The following EXOC6 variants were observed in gnomAD, a reference collection of about 807,000 sequenced individuals.
EXOC6 encodes the protein exocyst complex component 6.
EXOC6 carries 60 observed loss-of-function variants against 112.5 expected under a neutral mutation model. The observed-to-expected ratio is 0.53, with a 90% CI of 0.43 to 0.66. The LOEUF is 0.66. Among genes scored for constraint, EXOC6 ranks in the 30% least tolerant of loss-of-function variants. The probability of loss-of-function intolerance (pLI) is 0.00; values close to 1 mark genes in which losing one functional copy is unlikely to be tolerated. For synonymous variants in EXOC6, 295 were observed against 308.0 expected, an observed-to-expected ratio of 0.96 and a Z score of 0.44; for missense variants, 855 against 957.1, an observed-to-expected ratio of 0.89 and a Z score of 1.41.
chr10:92,879,101 A>C (rs1300282982), intron 1 of EXOC6, among the ~76,000 whole-genome samples: 1 of 152,212 alleles, frequency 6.6e-6, no homozygotes, highest in Non-Finnish European at 1.5e-5. Context: ...CAGGACTGCC[A>C]AAAATTATCT....
rs761522416 is a variant in EXOC6 at position 93,058,284 on chromosome 10, A to C, written c.2344A>C (p.Lys782Gln). 1 of 1,612,058 alleles carries C rather than the reference A, an allele frequency of 6.2e-7. No homozygotes were observed. Among genetic ancestry groups the C allele is most frequent in the Non-Finnish European group, 8.5e-7 (1 of 1,179,600 alleles). The change falls in exon 22 of 22, where the codon AAA becomes CAA. Residue 782 changes from lysine to glutamine, a missense_variant. Around this residue, in one of 2 missense-constraint regions of EXOC6, gnomAD observed 450 missense variants for 563.5 expected, o/e 0.80. Coordinates refer to ENST00000260762, the MANE Select transcript of EXOC6 (RefSeq NM_019053.6). ...FAQFRKNDRD[K>Q]QKLIETVVKQ... The stretch of plus-strand genomic sequence containing the variant: ...TCAGTTCAGGAAGAATGATCGAGAC[A>C]AACAGAAGTTGATAGAGACAGTCGT...
intron 8 of EXOC6, among the ~76,000 whole-genome samples, chr10:92,924,955 A>AT (rs1209873305): frequency 6.6e-6 from 1 of 152,200 alleles, no homozygotes; most frequent in African/African-American, 2.4e-5. Flanking sequence ...GTCACTTAGG[A>AT]TAATGGTCTC....
chr10:92,984,529 T>A (rs1169966050), intron 18 of EXOC6, among the ~76,000 whole-genome samples: 1 of 152,100 alleles, frequency 6.6e-6, no homozygotes, highest in Non-Finnish European at 1.5e-5. Flanking sequence ...TTTTTTGTTT[T>A]GTTTTGTTTT....
intron 13 of EXOC6, among the ~76,000 whole-genome samples, chr10:92,941,239 T>C (rs1852651042): frequency 6.6e-6 from 1 of 152,236 alleles, no homozygotes; most frequent in African/African-American, 2.4e-5. Context: ...TTCATCCATA[T>C]TGTAGCATGT....
chr10:92,967,352 T>C (rs1425936018), intron 17 of EXOC6, among the ~76,000 whole-genome samples: 1 of 152,110 alleles, frequency 6.6e-6, no homozygotes, highest in Non-Finnish European at 1.5e-5. Flanking sequence ...AATAGTGTTT[T>C]TTCCCTCGTG....
chr10:92,961,320 A>G (rs565109576), intron 17 of EXOC6, among the ~76,000 whole-genome samples: 3 of 152,280 alleles, frequency 2.0e-5, no homozygotes, highest in East Asian at 1.9e-4. Flanking sequence ...TAAAAAGGCA[A>G]TGTATATGAC....
chr10:93,040,792 G>C (rs1188321801), intron 20 of EXOC6, among the ~76,000 whole-genome samples: 1 of 152,074 alleles, frequency 6.6e-6, no homozygotes, highest in Non-Finnish European at 1.5e-5. Context: ...TTGGTAATGT[G>C]GATCATGTTC....
rs139718397 is a variant in EXOC6, at chr10:92,935,336, G to A, written c.1141-478G>A. ...CAAATATGAAGTCATATTAAATACA[G>A]CATATCACTTTCAAAATCTTATTAA... On this transcript the variant is annotated intron_variant, in intron 11 of 21. Transcript: ENST00000260762. 3.0e-3 allele frequency among the ~76,000 whole-genome samples: 453 copies of A among 152,008 alleles called. 2 individuals are homozygous for A. The highest frequency in any genetic ancestry group is 0.01 in the African/African-American group (432 of 41,502).
At chr10:92,897,075 G>A (rs1849867166) in intron 4 of EXOC6, among the ~76,000 whole-genome samples, 1 of 152,134 alleles carries the variant, frequency 6.6e-6, no homozygotes, top group Non-Finnish European at 1.5e-5. Flanking sequence ...TAGCCATGAA[G>A]ATGTCCTCTA....
intron 1 of EXOC6, among the ~76,000 whole-genome samples, chr10:92,887,367 A>C (rs1476131023): frequency 2.0e-5 from 3 of 151,440 alleles, no homozygotes; most frequent in Non-Finnish European, 2.9e-5. Flanking sequence ...GGATTAAATC[A>C]ACTACTTGTA....
Position 92,898,694 on chromosome 10 carries a change from A to T in EXOC6, c.413-905A>T, listed in dbSNP as rs569508594. ...ACAATATAGAGGCTATGATAGAGAG[A>T]TATACATAGGGTCCTGTGAAGCGAC... On this transcript the variant is annotated intron_variant, in intron 4 of 21. Transcript: ENST00000260762. 4.8e-4 allele frequency among the ~76,000 whole-genome samples: 73 copies of T among 152,230 alleles called. 1 individual carries two copies. The highest frequency in any genetic ancestry group is 1.7e-3 in the African/African-American group (69 of 41,552).
At chr10:93,031,344 T>C (rs1845261733) in intron 20 of EXOC6, among the ~76,000 whole-genome samples, 1 of 152,154 alleles carries the variant, frequency 6.6e-6, no homozygotes, top group African/African-American at 2.4e-5. Flanking sequence ...GTTCAGGAAT[T>C]ATTTCTGAAG....
At chr10:92,919,025 A>G (rs1851280368) in intron 7 of EXOC6, among the ~76,000 whole-genome samples, 2 of 152,174 alleles carry the variant, frequency 1.3e-5, no homozygotes, top group Non-Finnish European at 2.9e-5. Flanking sequence ...TTAAATAAAT[A>G]TTTTTGACCT....
chr10:92,846,291 G>A (rs370224785), upstream of EXOC6, among the ~76,000 whole-genome samples: 1 of 152,226 alleles, frequency 6.6e-6, no homozygotes, highest in South Asian at 2.1e-4. Context: ...GAGTTCTAGG[G>A]AAGGAATGAT....
chr10:92,867,414 CG>C (rs773989956), intron 1 of EXOC6, among the ~76,000 whole-genome samples: 2 of 152,084 alleles, frequency 1.3e-5, no homozygotes, highest in East Asian at 3.9e-4. Flanking sequence ...ATGGGGGAAG[CG>C]GGGATGACCC....
chr10:92,896,131 G>GTA (rs1849768250), intron 4 of EXOC6, among the ~76,000 whole-genome samples: 1 of 48,814 alleles, frequency 2.0e-5, no homozygotes, highest in African/African-American at 1.2e-4. Flanking sequence ...GTGTGTGTGT[G>GTA]TGTGTGTATG....
At chr10:92,942,461 A>G (rs988749391) in intron 13 of EXOC6, among the ~76,000 whole-genome samples, 4 of 152,160 alleles carry the variant, frequency 2.6e-5, no homozygotes, top group African/African-American at 9.7e-5. Context: ...TCAACTAAAC[A>G]AATCCTTATT....
At chr10:92,875,815 GT>G (rs1200057823) in intron 1 of EXOC6, among the ~76,000 whole-genome samples, 1 of 151,882 alleles carries the variant, frequency 6.6e-6, no homozygotes, top group Non-Finnish European at 1.5e-5. Flanking sequence ...CTATTAAATA[GT>G]TTTTAAGTGA....
intron 20 of EXOC6, among the ~76,000 whole-genome samples, chr10:93,021,891 G>A (rs542636702): frequency 7.9e-5 from 12 of 152,230 alleles, no homozygotes; most frequent in African/African-American, 2.6e-4. Flanking sequence ...GTGGTAATTC[G>A]TTTATGTGAT....
Sources: allele counts gnomAD v4.1 joint callset (sites outside exome capture counted in the v4.1 genomes callset), GRCh38; gene constraint gnomAD v4.1.1; regional missense constraint gnomAD v4.1.1; transcripts MANE v1.5; gene names NCBI Gene and HGNC (gene_info 2026-07-23, HGNC 2026-07-21).